ITGA2: variants seen among roughly 807,000 people sequenced by gnomAD.
The protein encoded by ITGA2 is integrin alpha-2.
Under a neutral mutation model 146.3 loss-of-function variants are expected in ITGA2, and 101 were observed. That is an observed-to-expected ratio of 0.69 (90% CI 0.59 to 0.81). The LOEUF (loss-of-function observed/expected upper bound fraction) is 0.81, where lower values mean the gene tolerates loss of function less well. Among genes scored for constraint, ITGA2 ranks in the 40% least tolerant of loss-of-function variants. ITGA2 has a pLI of 0.00. For synonymous variants in ITGA2, 477 were observed against 487.1 expected (o/e 0.98, Z 0.27); for missense variants, 1,281 against 1,402.7 (o/e 0.91, Z 1.39).
chr5:53,067,972 C>T (rs899157368), intron 16 of ITGA2, among the ~76,000 whole-genome samples: 1 of 151,930 alleles, frequency 6.6e-6, no homozygotes, highest in Non-Finnish European at 1.5e-5. Flanking sequence ...TCTCACCATG[C>T]TCAATGCATA....
intron 8 of ITGA2, 33 bp from the exon 9 acceptor site, chr5:53,055,951 A>G: frequency 6.3e-7 from 1 of 1,586,482 alleles, no homozygotes; most frequent in Admixed American, 1.7e-5. Context: ...GTACAGCAGT[A>G]ATGACTGCAC....
chr5:53,024,079 G>A (rs140804106), intron 1 of ITGA2, among the ~76,000 whole-genome samples: 2 of 152,258 alleles, frequency 1.3e-5, no homozygotes, highest in Non-Finnish European at 2.9e-5. Flanking sequence ...CAATAAAGTT[G>A]AGAGATGAGC....
chr5:53,064,234 C>T (rs1745036921), intron 13 of ITGA2, among the ~76,000 whole-genome samples: 1 of 151,810 alleles, frequency 6.6e-6, no homozygotes, highest in African/African-American at 2.4e-5. Flanking sequence ...TCTGTGTCTG[C>T]TTTAATTTCA....
intron 7 of ITGA2, among the ~76,000 whole-genome samples, chr5:53,052,821 CTCT>C (rs1399449333): frequency 6.6e-6 from 1 of 152,144 alleles, no homozygotes; most frequent in East Asian, 1.9e-4. Context: ...ACAGAGCCCT[CTCT>C]TCTTTACTGC....
Position 53,027,414 on chromosome 5 carries a change from G to A in ITGA2, c.185+546G>A, listed in dbSNP as rs3212423. Among the ~76,000 whole-genome samples the A allele has an allele frequency of 1.2e-3, 188 of 152,230 alleles. 1 individual carries two copies. Among genetic ancestry groups the A allele is most frequent in the African/African-American group, 3.6e-3 (149 of 41,536 alleles). ...TTTCTCTAGCATATTAACACCTTTT[G>A]TTTTTGCCCCAAAGTGCTCCCAGTT... is the stretch of plus-strand genomic sequence containing the variant. On this transcript the variant is annotated intron_variant, in intron 2 of 29. Coordinates refer to ENST00000296585, the MANE Select transcript of ITGA2 (RefSeq NM_002203.4).
chr5:53,083,722 C>T (rs537093156), intron 27 of ITGA2, among the ~76,000 whole-genome samples: 1 of 152,268 alleles, frequency 6.6e-6, no homozygotes, highest in East Asian at 1.9e-4. Flanking sequence ...GGAATGGTGT[C>T]AGGGTCATCT....
rs143369404 is a variant in ITGA2, at chr5:53,065,613, A to C, written c.1807-228A>C. On this transcript the variant is annotated intron_variant, in intron 14 of 29. Coordinates refer to ENST00000296585, the MANE Select transcript of ITGA2 (RefSeq NM_002203.4). Reference sequence around the variant, plus strand: ...CCACTGATCTTTTCACTGGTTTATGATTTTTTATTAAAGATTTATGCTGTC... The same window carrying C: ...CCACTGATCTTTTCACTGGTTTATGCTTTTTTATTAAAGATTTATGCTGTC... Among the ~76,000 whole-genome samples, 869 of 151,940 alleles carry C rather than the reference A, an allele frequency of 5.7e-3. 2 individuals are homozygous for C. The highest frequency in any genetic ancestry group is 0.01 in the Middle Eastern group (3 of 294).
At chr5:53,081,788 G>A (rs1359595067) in intron 26 of ITGA2, 92 bp downstream of exon 26, 1 of 855,786 alleles carries the variant, frequency 1.2e-6, no homozygotes. Context: ...TGATATCATA[G>A]AGCTTTCTTA....
intron 23 of ITGA2, among the ~76,000 whole-genome samples, chr5:53,078,492 T>C (rs896079224): frequency 1.3e-5 from 2 of 152,140 alleles, no homozygotes; most frequent in Non-Finnish European, 2.9e-5. Context: ...GTAATACTTT[T>C]GTACTTATTT....
chr5:53,046,885 T>A (rs1401609446), intron 4 of ITGA2, among the ~76,000 whole-genome samples: 3 of 152,132 alleles, frequency 2.0e-5, no homozygotes, highest in African/African-American at 4.8e-5. Context: ...TATTTTAATT[T>A]CAACTTCTTA....
chr5:53,063,243 A>T (rs1310184855), intron 13 of ITGA2, among the ~76,000 whole-genome samples: 2 of 151,954 alleles, frequency 1.3e-5, no homozygotes, highest in Non-Finnish European at 1.5e-5. Flanking sequence ...ACATTTGTGT[A>T]TTTCTCTAGT....
chr5:53,045,059 C>G lies in ITGA2; in HGVS notation c.354C>G (p.Ile118Met). 6.2e-7 allele frequency: 1 copy of G among 1,613,878 alleles called. No homozygotes were observed. Among genetic ancestry groups the G allele is most frequent in the Middle Eastern group, 1.7e-4 (1 of 6,060 alleles). ...EMKTNMSLGL[I>M]LTRNMGTGGF... The stretch of plus-strand genomic sequence containing the variant: ...AAACCAACATGAGCCTCGGCTTGAT[C>G]CTCACCAGGAACATGGGAACTGGAG... The change falls in exon 4 of 30, where the codon ATC (isoleucine) becomes ATG (methionine). Residue 118 changes from isoleucine to methionine, a missense_variant. Ile to Met is a conservative substitution (Grantham distance 10, BLOSUM62 1). Around this residue, in one of 3 missense-constraint regions of ITGA2, gnomAD observed 795 missense variants for 841.7 expected, o/e 0.94. Transcript: ENST00000296585.
rs202058704 is a variant in ITGA2 at position 53,055,527 on chromosome 5, A to G, written c.780-11A>G. 9 of 1,612,216 alleles carry G rather than the reference A, an allele frequency of 5.6e-6. No homozygotes were observed. Among genetic ancestry groups the G allele is most frequent in the Non-Finnish European group, 7.6e-6 (9 of 1,178,700 alleles). On this transcript the variant is annotated splice_polypyrimidine_tract_variant and intron_variant, in intron 7 of 29. Transcript: ENST00000296585. ...TGATAGCAAGTCTTTATTTAATTTT[A>G]TCTGCCACAGAAAATATGCTTATTC...
rs996464985 is a variant in ITGA2 at position 53,032,862 on chromosome 5, C to T, written c.185+5994C>T. Among the ~76,000 whole-genome samples the T allele has an allele frequency of 3.3e-5, 5 of 152,152 alleles. 1 individual carries two copies. Among genetic ancestry groups the T allele is most frequent in the African/African-American group, 1.2e-4 (5 of 41,418 alleles). On this transcript the variant is annotated intron_variant, in intron 2 of 29. Transcript: ENST00000296585. ...AGCACAAGGGTTTTACCCTCAGCTT[C>T]CCCACCACTCCCTGGGTGACTTTGG...
chr5:53,041,839 T>C (rs1251035373), intron 2 of ITGA2, among the ~76,000 whole-genome samples: 1 of 152,178 alleles, frequency 6.6e-6, no homozygotes, highest in Non-Finnish European at 1.5e-5. Context: ...TGAAATTATA[T>C]ATGTGGCTAA....
chr5:53,038,618 T>C (rs1743617415), intron 2 of ITGA2, among the ~76,000 whole-genome samples: 1 of 152,160 alleles, frequency 6.6e-6, no homozygotes. Context: ...AAGATCATTT[T>C]CCCAATCTGG....
chr5:53,026,627 ACG>A, intron 1 of ITGA2, 119 bp from the exon 2 acceptor site: 1 of 879,942 alleles, frequency 1.1e-6, no homozygotes, highest in East Asian at 2.6e-5. Flanking sequence ...TTCTGGGTAA[ACG>A]TTGATAAGTA....
At chr5:52,998,555 C>T (rs754917009) in intron 1 of ITGA2, among the ~76,000 whole-genome samples, 9 of 152,124 alleles carry the variant, frequency 5.9e-5, no homozygotes, top group Non-Finnish European at 1.2e-4. Flanking sequence ...CTCTTTAGCC[C>T]CAGCCTCCAT....
intron 2 of ITGA2, among the ~76,000 whole-genome samples, chr5:53,040,190 G>T (rs1168593292): frequency 2.0e-5 from 3 of 152,120 alleles, no homozygotes; most frequent in African/African-American, 4.8e-5. Context: ...AGCTAAATTC[G>T]ATATGACTGA....
Sources: allele counts gnomAD v4.1 joint callset (sites outside exome capture counted in the v4.1 genomes callset), GRCh38; gene constraint gnomAD v4.1.1; regional missense constraint gnomAD v4.1.1; transcripts MANE v1.5; gene names NCBI Gene and HGNC (gene_info 2026-07-23, HGNC 2026-07-21).